BAALC: variants seen among roughly 807,000 people sequenced by gnomAD.
BAALC encodes BAALC binder of MAP3K1 and KLF4.
BAALC carries 9 observed loss-of-function variants against 15.5 expected under a neutral mutation model. The ratio of observed to expected loss-of-function variants is 0.58; its 90% CI spans 0.35 to 1.02. The LOEUF is 1.02. Among genes scored for constraint, BAALC ranks in the 50% least tolerant of loss-of-function variants. BAALC has a pLI of 0.02. For missense variants in BAALC, 201 were observed against 192.4 expected (o/e 1.04, Z -0.27); for synonymous variants, 80 against 74.6 (o/e 1.07, Z -0.37).
chr8:103,154,237 AG>A (rs1226628100), intron 1 of BAALC, among the ~76,000 whole-genome samples: 7 of 152,104 alleles, frequency 4.6e-5, no homozygotes, highest in African/African-American at 1.7e-4. Context: ...AGAAGGGGGT[AG>A]TCAGAGCGGT....
At position 103,215,318 on chromosome 8, in the gene BAALC, T is replaced by C. The variant is rs61185155; in HGVS notation, c.327+2233T>C. The stretch of plus-strand genomic sequence containing the variant: ...TGATTGAGTTACATGAATAAGGCCA[T>C]ATAAGTGTTGTAGAAGGATATTGGT... On this transcript the variant is annotated intron_variant, in intron 2 of 2. Coordinates refer to ENST00000309982, the MANE Select transcript of BAALC (RefSeq NM_024812.3). Among the ~76,000 whole-genome samples the C allele has an allele frequency of 5.6e-3, 849 of 152,304 alleles. 7 individuals carry two copies. The highest frequency in any genetic ancestry group is 0.019 in the African/African-American group (805 of 41,566).
chr8:103,143,345 G>A (rs1437457236), intron 1 of BAALC, among the ~76,000 whole-genome samples: 2 of 152,140 alleles, frequency 1.3e-5, no homozygotes, highest in East Asian at 3.8e-4. Flanking sequence ...AGCTGCTGGG[G>A]GACACCTAAC....
chr8:103,214,219 C>T (rs1458132048), intron 2 of BAALC, among the ~76,000 whole-genome samples: 2 of 152,288 alleles, frequency 1.3e-5, no homozygotes, highest in Admixed American at 1.3e-4. Flanking sequence ...TTTCTACAAA[C>T]CCAGTTGAAG....
chr8:103,206,362 CTT>C (rs1172709124), intron 1 of BAALC, among the ~76,000 whole-genome samples: 1 of 152,080 alleles, frequency 6.6e-6, no homozygotes, highest in Non-Finnish European at 1.5e-5. Context: ...ATCAGGGAGA[CTT>C]AATTGAACAA....
rs1286281074 is a variant in BAALC at position 103,194,948 on chromosome 8, G to A, written c.161-17971G>A. 2.0e-5 allele frequency among the ~76,000 whole-genome samples: 3 copies of A among 152,148 alleles called. No homozygotes were observed. The East Asian group carries it at 5.8e-4, about 29-fold the overall frequency. On this transcript the variant is annotated intron_variant, in intron 1 of 2. Coordinates refer to ENST00000309982, the MANE Select transcript of BAALC (RefSeq NM_024812.3). ...TGCCCTACCTTTTAATACCACCACAGCTGGGGAGTAAGTTTCAACATGAAT... is the reference window on the plus strand; with the variant it reads ...TGCCCTACCTTTTAATACCACCACAACTGGGGAGTAAGTTTCAACATGAAT...
At chr8:103,224,940 G>T (rs1812771094) in intron 2 of BAALC, among the ~76,000 whole-genome samples, 1 of 152,086 alleles carries the variant, frequency 6.6e-6, no homozygotes, top group African/African-American at 2.4e-5. Flanking sequence ...AGTTGGGCAA[G>T]ATTAAAAAAA....
chr8:103,144,777 C>T (rs1810846323), intron 1 of BAALC, among the ~76,000 whole-genome samples: 1 of 152,168 alleles, frequency 6.6e-6, no homozygotes, highest in African/African-American at 2.4e-5. Flanking sequence ...GAATTACAGA[C>T]AGCAAAATGA....
intron 1 of BAALC, among the ~76,000 whole-genome samples, chr8:103,168,828 C>T (rs773760081): frequency 6.6e-6 from 1 of 152,078 alleles, no homozygotes; most frequent in Non-Finnish European, 1.5e-5. Flanking sequence ...TGGCCAAGAA[C>T]ATCCTCAAGT....
At chr8:103,224,731 T>A (rs1213768579) in intron 2 of BAALC, among the ~76,000 whole-genome samples, 1 of 152,174 alleles carries the variant, frequency 6.6e-6, no homozygotes, top group East Asian at 1.9e-4. Flanking sequence ...AGAATGTGGA[T>A]TTTTCCCACA....
chr8:103,145,515 C>T (rs903048318), intron 1 of BAALC, among the ~76,000 whole-genome samples: 5 of 152,196 alleles, frequency 3.3e-5, no homozygotes, highest in African/African-American at 1.2e-4. Context: ...CTACTGATGT[C>T]AGCTGAACGG....
At chr8:103,196,896 G>C (rs960678008) in intron 1 of BAALC, among the ~76,000 whole-genome samples, 3 of 152,160 alleles carry the variant, frequency 2.0e-5, no homozygotes, top group Non-Finnish European at 4.4e-5. Context: ...TGACCCAGAG[G>C]GTTGAGCTCC....
chr8:103,189,660 A>T (rs1180651954), intron 1 of BAALC, among the ~76,000 whole-genome samples: 1 of 152,232 alleles, frequency 6.6e-6, no homozygotes, highest in Non-Finnish European at 1.5e-5. Context: ...GAGGAAGAGC[A>T]TTCCAGGTGG....
intron 1 of BAALC, among the ~76,000 whole-genome samples, chr8:103,169,546 A>C (rs1457690777): frequency 1.3e-5 from 2 of 152,136 alleles, no homozygotes; most frequent in African/African-American, 4.8e-5. Context: ...TCTTCACTAT[A>C]GAGTATCTGG....
chr8:103,199,486 A>G (rs1372223906), intron 1 of BAALC, among the ~76,000 whole-genome samples: 1 of 152,122 alleles, frequency 6.6e-6, no homozygotes, highest in African/African-American at 2.4e-5. Flanking sequence ...CTCTAACAGC[A>G]CAGTGCTAGG....
chr8:103,190,552 TA>T (rs1201516512), intron 1 of BAALC, among the ~76,000 whole-genome samples: 1 of 152,244 alleles, frequency 6.6e-6, no homozygotes, highest in Non-Finnish European at 1.5e-5. Context: ...AGGGGTATTA[TA>T]AAGTGTTGCA....
At chr8:103,227,241 C>T (rs766301291) in intron 2 of BAALC, among the ~76,000 whole-genome samples, 6 of 152,142 alleles carry the variant, frequency 3.9e-5, no homozygotes, top group South Asian at 2.1e-4. Context: ...TGAGGACCTT[C>T]GTATATTTCT....
chr8:103,140,955 AC>A lies in BAALC; in HGVS notation c.61del (p.Arg21GlyfsTer78). ...CGAGCCCCGCTACTACGAGAGCTGGACCCGGGAGACAGAATCCACCTGGCTC... is the reference window on the plus strand; with the variant it reads ...CGAGCCCCGCTACTACGAGAGCTGGACCGGGAGACAGAATCCACCTGGCTC... ...AIEPRYYESW[T>X]RETESTWLTY... On this transcript the variant is annotated frameshift_variant, in exon 1 of 3. Transcript: ENST00000309982. LOFTEE classifies it high-confidence loss of function. The surrounding 1 kb of genome is among the most constrained non-coding windows in gnomAD (Gnocchi z 4.2). The A allele has an allele frequency of 6.5e-7, 1 of 1,541,088 alleles. No individual in the cohort carries two copies. The highest frequency in any genetic ancestry group is 8.7e-7 in the Non-Finnish European group (1 of 1,144,798).
rs75119494 is a variant in BAALC, at chr8:103,188,680, A to G, written c.161-24239A>G. 3.5e-3 allele frequency among the ~76,000 whole-genome samples: 526 copies of G among 152,354 alleles called. 2 individuals carry two copies. The highest frequency in any genetic ancestry group is 0.012 in the African/African-American group (507 of 41,584). On this transcript the variant is annotated intron_variant, in intron 1 of 2. Coordinates refer to ENST00000309982, the MANE Select transcript of BAALC (RefSeq NM_024812.3). ...AATACACCTGCATGTTCCTCTACTT[A>G]CAGTTTTCATAGCCCAGTAATCAGG...
At chr8:103,207,795 G>GT in intron 1 of BAALC, among the ~76,000 whole-genome samples, 1 of 152,244 alleles carries the variant, frequency 6.6e-6, no homozygotes, top group East Asian at 1.9e-4. Flanking sequence ...GGGTGAGGAG[G>GT]TAAAAAAATT....
Sources: gnomAD v4.1 joint callset for allele counts (sites outside exome capture counted in the v4.1 genomes callset) on GRCh38, gnomAD v4.1.1 for gene constraint, Gnocchi (gnomAD v3.1) non-coding constraint, MANE v1.5 for transcripts, NCBI Gene and HGNC (gene_info 2026-07-23, HGNC 2026-07-21) for gene names.